RABGAP1L: variants seen among roughly 807,000 people sequenced by gnomAD.
The protein encoded by RABGAP1L is rab GTPase-activating protein 1-like.
Under a neutral mutation model 137.7 loss-of-function variants are expected in RABGAP1L, and 63 were observed. That is an observed-to-expected ratio of 0.46 (90% CI 0.37 to 0.56). The LOEUF (loss-of-function observed/expected upper bound fraction) is 0.56. RABGAP1L is among the 20% of genes least tolerant of loss of function. The pLI is 0.00. For synonymous variants in RABGAP1L, 431 were observed against 433.7 expected (o/e 0.99, Z 0.08); for missense variants, 1,095 against 1,244.0 (o/e 0.88, Z 1.80).
chr1:174,785,276 C>T (rs1341946264), intron 18 of RABGAP1L, among the ~76,000 whole-genome samples: 1 of 152,124 alleles, frequency 6.6e-6, no homozygotes, highest in Non-Finnish European at 1.5e-5. Flanking sequence ...GTTGGCCAGG[C>T]TGGTCTCAAA....
chr1:174,430,178 A>G (rs1652452691), intron 13 of RABGAP1L, among the ~76,000 whole-genome samples: 1 of 151,926 alleles, frequency 6.6e-6, no homozygotes, highest in Non-Finnish European at 1.5e-5. Context: ...TGAGCTCAGG[A>G]TGAGACCAGC....
rs146714952 is a variant in RABGAP1L, at chr1:174,833,950, C to A, written c.2340+21990C>A. Among the ~76,000 whole-genome samples, 3 of 152,188 alleles carry A rather than the reference C, an allele frequency of 2.0e-5. No homozygotes were observed. In the East Asian group the frequency reaches 5.8e-4, roughly 30 times the overall value. ...CCCTAACAGACCAATAGGAGCTAAC[C>A]AGCTAAAGAGGAATAATTAAGTATG... On this transcript the variant is annotated intron_variant, in intron 19 of 25. Transcript: ENST00000681986.
At chr1:174,481,287 A>G (rs1451686552) in intron 13 of RABGAP1L, among the ~76,000 whole-genome samples, 1 of 152,312 alleles carries the variant, frequency 6.6e-6, no homozygotes, top group Non-Finnish European at 1.5e-5. Context: ...TCCTTCATCT[A>G]TGCCACAGTT....
chr1:174,291,764 A>C (rs1173312396), intron 10 of RABGAP1L, among the ~76,000 whole-genome samples: 1 of 151,936 alleles, frequency 6.6e-6, no homozygotes, highest in Non-Finnish European at 1.5e-5. Context: ...TTAAACATCT[A>C]TAGGGTTTGT....
intron 14 of RABGAP1L, among the ~76,000 whole-genome samples, chr1:174,680,384 G>A (rs1452961430): frequency 1.3e-5 from 2 of 152,176 alleles, no homozygotes; most frequent in African/African-American, 4.8e-5. Context: ...CAATGAAAAG[G>A]CACAATTTCT....
intron 13 of RABGAP1L, among the ~76,000 whole-genome samples, chr1:174,494,328 C>G (rs1660553425): frequency 6.6e-6 from 1 of 152,058 alleles, no homozygotes. Context: ...TGTTTTGCTG[C>G]TATTTAAAGC....
intron 14 of RABGAP1L, among the ~76,000 whole-genome samples, chr1:174,661,045 G>A (rs1482886442): frequency 2.6e-5 from 4 of 152,114 alleles, no homozygotes; most frequent in Non-Finnish European, 4.4e-5. Flanking sequence ...GTTGCCTCAG[G>A]GAAAGAAATG....
At chr1:174,984,159 C>G (rs990822056) in intron 24 of RABGAP1L, among the ~76,000 whole-genome samples, 1 of 151,836 alleles carries the variant, frequency 6.6e-6, no homozygotes, top group South Asian at 2.1e-4. Context: ...TTAACCCATC[C>G]TCTAAGTTCC....
chr1:174,355,585 C>T lies in RABGAP1L; in HGVS notation c.1466-15394C>T, dbSNP rs1683563994. 2.0e-5 allele frequency among the ~76,000 whole-genome samples: 3 copies of T among 151,246 alleles called. No individual in the cohort carries two copies. The South Asian group carries it at 6.3e-4, about 32-fold the overall frequency. On this transcript the variant is annotated intron_variant, in intron 11 of 25. Transcript: ENST00000681986. ...ATATGTAACTAACCTGCACATTGTG[C>T]ACATGTACCCTAAAACTTAAAAGTA...
In RABGAP1L at chr1:174,991,662, T is replaced by C. The variant is rs1306242655; in HGVS notation, c.*1661T>C. ...TCTTACATAAATCTTTCATTGTTGT[T>C]CTGACATCTTTCATTACAAAATTTA... is the stretch of plus-strand genomic sequence containing the variant. On this transcript the variant is annotated 3_prime_UTR_variant, in exon 26 of 26. Coordinates refer to ENST00000681986, the MANE Select transcript of RABGAP1L (RefSeq NM_001366446.1). 1.2e-4 allele frequency: 19 copies of C among 152,242 alleles called. 1 individual carries two copies. Among genetic ancestry groups the C allele is most frequent in the Admixed American group, 1.2e-3 (19 of 15,286 alleles). 9.4% of individuals were successfully genotyped at this position (152,242 alleles called of 1,614,324 possible). A position where few individuals can be genotyped will look rare whatever the true frequency, so the allele number is the denominator to read the frequency against.
chr1:174,764,182 T>G (rs995327781), intron 18 of RABGAP1L, among the ~76,000 whole-genome samples: 3 of 152,262 alleles, frequency 2.0e-5, no homozygotes, highest in Admixed American at 6.5e-5. Context: ...ATTGTTCAAA[T>G]GTACCACATT....
chr1:174,649,576 G>C lies in RABGAP1L; in HGVS notation c.1824+12088G>C, dbSNP rs370810481. On this transcript the variant is annotated intron_variant, in intron 14 of 25. Transcript: ENST00000681986. Reference sequence around the variant, plus strand: ...GTTTCCTCAGAGAGATCCGCTGTTAGTCTGATGTGCTTCCCTTTGTGGGTA... The same window carrying C: ...GTTTCCTCAGAGAGATCCGCTGTTACTCTGATGTGCTTCCCTTTGTGGGTA... Among the ~76,000 whole-genome samples, 11 of 152,208 alleles carry C rather than the reference G, an allele frequency of 7.2e-5. No individual in the cohort carries two copies. In the East Asian group the frequency reaches 2.1e-3, roughly 29 times the overall value.
At chr1:174,861,869 T>C (rs1191459230) in intron 19 of RABGAP1L, among the ~76,000 whole-genome samples, 2 of 152,180 alleles carry the variant, frequency 1.3e-5, no homozygotes, top group African/African-American at 4.8e-5. Flanking sequence ...ATGAGATATA[T>C]AGTTTGGAAA....
At position 174,967,929 on chromosome 1, in the gene RABGAP1L, C is replaced by CAAA. The variant is rs200800559; in HGVS notation, c.2434-1335_2434-1333dup. ...TTCTCCAACTATTCTTATTTTTTTCCAAAAAAAAAAAAAAAGACAGAAATG... is the reference window on the plus strand; with the variant it reads ...TTCTCCAACTATTCTTATTTTTTTCCAAAAAAAAAAAAAAAAAAGACAGAAATG... On this transcript the variant is annotated intron_variant, in intron 20 of 25. Coordinates refer to ENST00000681986, the MANE Select transcript of RABGAP1L (RefSeq NM_001366446.1). Among the ~76,000 whole-genome samples the CAAA allele has an allele frequency of 4.9e-3, 658 of 134,686 alleles. 7 individuals are homozygous for CAAA. The highest frequency in any genetic ancestry group is 0.017 in the African/African-American group (626 of 37,868). 88.4% of individuals were successfully genotyped at this position (134,686 alleles called of 152,430 possible).
chr1:174,869,382 A>T (rs926630750), intron 19 of RABGAP1L, among the ~76,000 whole-genome samples: 4 of 151,902 alleles, frequency 2.6e-5, no homozygotes, highest in African/African-American at 9.7e-5. Context: ...TTCTCACAAG[A>T]TCTGATGGTT....
At chr1:174,432,445 T>G (rs1404572139) in intron 13 of RABGAP1L, among the ~76,000 whole-genome samples, 1 of 152,210 alleles carries the variant, frequency 6.6e-6, no homozygotes, top group Admixed American at 6.5e-5. Context: ...TTTCGTAGAC[T>G]AAGCCTTGGT....
In RABGAP1L at chr1:174,968,778, T is replaced by C. The variant is rs530159428; in HGVS notation, c.2434-499T>C. On this transcript the variant is annotated intron_variant, in intron 20 of 25. Coordinates refer to ENST00000681986, the MANE Select transcript of RABGAP1L (RefSeq NM_001366446.1). The stretch of plus-strand genomic sequence containing the variant: ...GTTAGCAAAGTCATGAACCCATGTG[T>C]CATGATTCTTGATTTAGAGCTCTTA... 6.6e-5 allele frequency among the ~76,000 whole-genome samples: 10 copies of C among 152,348 alleles called. 1 individual carries two copies. The South Asian group carries it at 2.1e-3, about 32-fold the overall frequency.
At chr1:174,276,033 G>T (rs2148670747) in intron 9 of RABGAP1L, 98 bp downstream of exon 9, 3 of 801,642 alleles carry the variant, frequency 3.7e-6, no homozygotes, top group East Asian at 3.0e-5. Context: ...AACTCAAAGT[G>T]GACTTATTCT....
chr1:174,327,830 G>C (rs1326435911), intron 11 of RABGAP1L, among the ~76,000 whole-genome samples: 2 of 150,842 alleles, frequency 1.3e-5, no homozygotes, highest in Non-Finnish European at 3.0e-5. Context: ...TAAACTAAAA[G>C]AAAGCAGAAA....
Sources: gnomAD v4.1 joint callset for allele counts (sites outside exome capture counted in the v4.1 genomes callset) on GRCh38, gnomAD v4.1.1 for gene constraint, MANE v1.5 for transcripts, NCBI Gene and HGNC (gene_info 2026-07-23, HGNC 2026-07-21) for gene names.